Variants in SPOCD1 observed in about 807,000 individuals in gnomAD.
The protein encoded by SPOCD1 is SPOC domain containing 1, also known as SPOC domain-containing protein 1.
A neutral mutation model predicts 92.2 loss-of-function variants in SPOCD1; 64 were observed. That is an observed-to-expected ratio of 0.69 (90% CI 0.57 to 0.86). The LOEUF is 0.86. SPOCD1 is among the 40% of genes least tolerant of loss of function. The pLI is 0.00. For missense variants in SPOCD1, 1,360 were observed against 1,543.1 expected, an observed-to-expected ratio of 0.88 and a Z score of 1.99; for synonymous variants, 578 against 619.3, an observed-to-expected ratio of 0.93 and a Z score of 0.99.
chr1:31,801,467 T>C (rs999028454), intron 3 of SPOCD1, among the ~76,000 whole-genome samples, 197 bp downstream of exon 3: 7 of 152,100 alleles, frequency 4.6e-5, no homozygotes, highest in African/African-American at 1.7e-4. Flanking sequence ...GATCATGAAA[T>C]GGTCAGGTTC....
At chr1:31,793,945 G>A (rs758775719) in intron 11 of SPOCD1, 48 bp from the exon 12 acceptor site, 1 of 1,584,166 alleles carries the variant, frequency 6.3e-7, no homozygotes, top group Non-Finnish European at 8.6e-7. Flanking sequence ...CAGCAGCGCT[G>A]AAGCCAGCCC....
rs895498353 is a variant in SPOCD1, at chr1:31,815,964, G to C, written c.-43C>G. 2 of 148,674 alleles carry C rather than the reference G, an allele frequency of 1.3e-5. No homozygotes were observed. The highest frequency in any genetic ancestry group is 5.0e-5 in the African/African-American group (2 of 40,168). The allele number at this position is 148,674 out of a possible 1,614,324, so 9.2% of individuals were successfully genotyped here. A position where few individuals can be genotyped will look rare whatever the true frequency, so the allele number is the denominator to read the frequency against. Reference sequence around the variant, plus strand: ...CCATCGGTCGCGTCGCTCTCACCTGGGCTTCCCTGAGTTTTCCCTCCTGGG... The same window carrying C: ...CCATCGGTCGCGTCGCTCTCACCTGCGCTTCCCTGAGTTTTCCCTCCTGGG... On this transcript the variant is annotated 5_prime_UTR_variant, in exon 1 of 16. Transcript: ENST00000360482.
Position 31,790,887 on chromosome 1 carries a change from G to A in SPOCD1, c.3367C>T (p.Pro1123Ser). Residue 1123 changes from proline (P) to serine (S), a missense_variant, in exon 16 of 16, where the codon CCC (proline) becomes TCC (serine). By Grantham distance (74) the Pro-to-Ser change is moderately conservative. This residue lies in a region of SPOCD1 where 614 missense variants were observed against 757.8 expected (regional missense o/e 0.81). Transcript: ENST00000360482. ...TGACCAGCTGGTGCTACTGAATAGG[G>A]ATGCTGGGACTGGCGCAAGCCTGGC... ...PEPGLRQSQH[P>S]YSVAPAGHGF... 2 of 1,582,780 alleles carry A rather than the reference G, an allele frequency of 1.3e-6. No homozygotes were observed. The highest frequency in any genetic ancestry group is 1.7e-6 in the Non-Finnish European group (2 of 1,164,930).
rs773137850 is a variant in SPOCD1, at chr1:31,815,244, T to C, written c.90A>G (p.Glu30=). 6.2e-7 allele frequency: 1 copy of C among 1,603,682 alleles called. No individual in the cohort carries two copies. Among genetic ancestry groups the C allele is most frequent in the Non-Finnish European group, 8.5e-7 (1 of 1,172,006 alleles). Residue 30 remains glutamate (E), a synonymous_variant, in exon 2 of 16, where the codon GAA becomes GAG. Coordinates refer to ENST00000360482, the MANE Select transcript of SPOCD1 (RefSeq NM_144569.7). ...QHNCELLQNM[E]GASSMPGLSP... is the part of the protein sequence containing the mutation. Reference sequence around the variant, plus strand: ...ACAGGCCTGGCATGGAGCTGGCTCCTTCCATGTTCTGTAAAAGCTCACAGT... The same window carrying C: ...ACAGGCCTGGCATGGAGCTGGCTCCCTCCATGTTCTGTAAAAGCTCACAGT...
At chr1:31,796,241 G>C (rs1291318675) in intron 10 of SPOCD1, 4 of 381,216 alleles carry the variant, frequency 1.0e-5, no homozygotes, top group Middle Eastern at 8.6e-4. Context: ...ATCTGAAAAA[G>C]TCACTGCCTG....
chr1:31,812,253 C>T (rs780243130), intron 2 of SPOCD1, among the ~76,000 whole-genome samples: 5 of 152,144 alleles, frequency 3.3e-5, no homozygotes, highest in Non-Finnish European at 7.4e-5. Context: ...GTGGCAAAGT[C>T]AAGATTGAAT....
chr1:31,790,961 G>C lies in SPOCD1; in HGVS notation c.3293C>G (p.Pro1098Arg), dbSNP rs1321068135. Residue 1098 changes from proline to arginine, a missense_variant, in exon 16 of 16, where the codon CCA becomes CGA. Transcript: ENST00000360482. ...RPPRGRGRLW[P>R]EPENWQHPGR... ...AGGATGCTGCCAGTTTTCAGGCTCT[G>C]GCCAGAGCCTCCCCCTGCCTCTGGG... The C allele has an allele frequency of 6.4e-7, 1 of 1,574,100 alleles. No individual in the cohort carries two copies. The highest frequency in any genetic ancestry group is 2.2e-5 in the East Asian group (1 of 44,564).
At chr1:31,806,703 G>A (rs1281380965) in intron 2 of SPOCD1, among the ~76,000 whole-genome samples, 1 of 151,908 alleles carries the variant, frequency 6.6e-6, no homozygotes, top group East Asian at 1.9e-4. Flanking sequence ...CCACCACCAC[G>A]CCTGGCTAAT....
chr1:31,815,205 C>A lies in SPOCD1; in HGVS notation c.129G>T (p.Pro43=). 3 of 1,608,346 alleles carry A rather than the reference C, an allele frequency of 1.9e-6. No individual in the cohort carries two copies. Among genetic ancestry groups the A allele is most frequent in the Non-Finnish European group, 1.7e-6 (2 of 1,175,698 alleles). ...SSMPGLSPDG[P]GASSGPGVRA... ...TGACTCCGGGCCCAGAGCTTGCTCCCGGCCCATCTGGTGACAGGCCTGGCA... is the reference window on the plus strand; with the variant it reads ...TGACTCCGGGCCCAGAGCTTGCTCCAGGCCCATCTGGTGACAGGCCTGGCA... Residue 43 remains proline, a synonymous_variant, in exon 2 of 16, where the codon CCG becomes CCT. Coordinates refer to ENST00000360482, the MANE Select transcript of SPOCD1 (RefSeq NM_144569.7).
Position 31,793,821 on chromosome 1 carries a change from G to A in SPOCD1, c.2460C>T (p.Ala820=). 1 of 1,614,214 alleles carries A rather than the reference G, an allele frequency of 6.2e-7. No individual in the cohort carries two copies. The highest frequency in any genetic ancestry group is 1.3e-5 in the African/African-American group (1 of 75,054). The change falls in exon 12 of 16, where the codon GCC becomes GCT. Residue 820 remains alanine, a synonymous_variant. Transcript: ENST00000360482. ...GAGCAGGCATAGGAGTTTGGCTTAG[G>A]GCTTTCTGGAAGATATTGTCCCCGC... ...KSCGDNIFQK[A]LSQTPMPAPE... is the part of the protein sequence containing the mutation.
intron 2 of SPOCD1, among the ~76,000 whole-genome samples, chr1:31,808,110 GA>G (rs1170055257): frequency 6.6e-6 from 1 of 151,820 alleles, no homozygotes; most frequent in Non-Finnish European, 1.5e-5. Context: ...CCAGAAAATA[GA>G]AAACAAAAAG....
Position 31,814,017 on chromosome 1 carries a change from G to C in SPOCD1, c.1317C>G (p.Asp439Glu), listed in dbSNP as rs755641523. ...PVPCAQDRGT[D>E]RSSDNSHQDR... ...CCTGGTGGGAGTTGTCTGAGCTTCT[G>C]TCTGTGCCCCGGTCTTGGGCACAGG... Residue 439 changes from aspartate to glutamate, a missense_variant, in exon 2 of 16, where the codon GAC (aspartate) becomes GAG (glutamate). By Grantham distance (45) the Asp-to-Glu change is conservative. Around this residue, in one of 3 missense-constraint regions of SPOCD1, gnomAD observed 606 missense variants for 601.5 expected, o/e 1.01. Coordinates refer to ENST00000360482, the MANE Select transcript of SPOCD1 (RefSeq NM_144569.7). This position sits in a 1 kb window ranked among gnomAD's most constrained non-coding sequence, Gnocchi z 4.2. The C allele has an allele frequency of 1.9e-6, 3 of 1,608,018 alleles. No individual in the cohort carries two copies. Among genetic ancestry groups the C allele is most frequent in the Non-Finnish European group, 2.6e-6 (3 of 1,176,286 alleles).
Position 31,793,812 on chromosome 1 carries a change from T to C in SPOCD1, c.2469A>G (p.Gln823=). The C allele has an allele frequency of 1.2e-6, 2 of 1,614,224 alleles. No homozygotes were observed. Among genetic ancestry groups the C allele is most frequent in the South Asian group, 1.1e-5 (1 of 91,090 alleles). ...GDNIFQKALS[Q]TPMPAPEMPK... is the part of the protein sequence containing the mutation. Reference sequence around the variant, plus strand: ...GCATCTCTGGAGCAGGCATAGGAGTTTGGCTTAGGGCTTTCTGGAAGATAT... The same window carrying C: ...GCATCTCTGGAGCAGGCATAGGAGTCTGGCTTAGGGCTTTCTGGAAGATAT... Residue 823 remains glutamine (Q), a synonymous_variant, in exon 12 of 16, where the codon CAA becomes CAG. Transcript: ENST00000360482.
At chr1:31,795,350 T>A (rs1350932325) in intron 10 of SPOCD1, 4 of 152,244 alleles carry the variant, frequency 2.6e-5, no homozygotes, top group African/African-American at 9.6e-5. Context: ...TGCACATATG[T>A]GACCTTGGTG....
At chr1:31,793,725 C>G in intron 12 of SPOCD1, 22 bp downstream of exon 12, 1 of 1,613,754 alleles carries the variant, frequency 6.2e-7, no homozygotes, top group Middle Eastern at 1.6e-4. Flanking sequence ...GGTTATCCAC[C>G]TCCCTGCTCC....
chr1:31,805,645 G>A (rs915380731), intron 2 of SPOCD1, among the ~76,000 whole-genome samples: 2 of 152,056 alleles, frequency 1.3e-5, no homozygotes, highest in African/African-American at 2.4e-5. Context: ...GGAGAATTGT[G>A]AGCCCGGGAG....
chr1:31,796,622 T>A lies in SPOCD1; in HGVS notation c.2239A>T (p.Met747Leu). ...HKGEVEIQRD[M>L]DQTLTLEDLV... ...TCCTCCAGGGTCAGTGTCTGGTCCA[T>A]GTCCCGCTGAATCTCCACTTCGCCC... The change falls in exon 10 of 16, where the codon ATG (methionine) becomes TTG (leucine). Residue 747 changes from methionine (M) to leucine (L), a missense_variant. This residue lies in a region of SPOCD1 where 614 missense variants were observed against 757.8 expected (regional missense o/e 0.81). Transcript: ENST00000360482. 6.2e-7 allele frequency: 1 copy of A among 1,614,260 alleles called. No homozygotes were observed. Among genetic ancestry groups the A allele is most frequent in the Non-Finnish European group, 8.5e-7 (1 of 1,180,046 alleles).
In SPOCD1 at chr1:31,800,665, C is replaced by A. The variant is rs775613183; in HGVS notation, c.1426-48G>T. 209 of 1,508,588 alleles carry A rather than the reference C, an allele frequency of 1.4e-4. 1 individual carries two copies. Among genetic ancestry groups the A allele is most frequent in the Non-Finnish European group, 1.9e-4 (208 of 1,115,900 alleles). 93.5% of individuals were successfully genotyped at this position (1,508,588 alleles called of 1,614,324 possible). A position where few individuals can be genotyped will look rare whatever the true frequency, so the allele number is the denominator to read the frequency against. On this transcript the variant is annotated intron_variant, in intron 3 of 15. Transcript: ENST00000360482. ...GAAGCAAGCGGGGCCAGCCGCTGTC[C>A]CCGCCTTCAGAGTGCTCGCCTCATC...
chr1:31,812,528 A>T (rs1374694711), intron 2 of SPOCD1, among the ~76,000 whole-genome samples: 4 of 152,252 alleles, frequency 2.6e-5, no homozygotes, highest in Non-Finnish European at 5.9e-5. Flanking sequence ...ATTTATAGGT[A>T]AAAAGGCTTG....
Sources: gnomAD v4.1 joint callset for allele counts (sites outside exome capture counted in the v4.1 genomes callset) on GRCh38, gnomAD v4.1.1 for gene constraint, gnomAD v4.1.1 regional missense constraint, Gnocchi (gnomAD v3.1) non-coding constraint, MANE v1.5 for transcripts, NCBI Gene and HGNC (gene_info 2026-07-23, HGNC 2026-07-21) for gene names.